Variants in PRSS23 observed in about 807,000 individuals in gnomAD.
PRSS23 encodes serine protease 23.
A neutral mutation model predicts 34.7 loss-of-function variants in PRSS23; 25 were observed. The ratio of observed to expected loss-of-function variants is 0.72; its 90% confidence interval spans 0.53 to 1.01. PRSS23 has a LOEUF of 1.01. Among genes scored for constraint, PRSS23 ranks in the 50% least tolerant of loss-of-function variants. The pLI is 0.00. For missense variants in PRSS23, 445 were observed against 475.6 expected, an observed-to-expected ratio of 0.94 and a Z score of 0.60; for synonymous variants, 176 against 186.6, an observed-to-expected ratio of 0.94 and a Z score of 0.46.
At chr11:86,878,349 C>T (rs1948740378) in intron 2 of PRSS23, among the ~76,000 whole-genome samples, 2 of 151,084 alleles carry the variant, frequency 1.3e-5, no homozygotes, top group Admixed American at 6.6e-5. Context: ...TCTCGGCTCA[C>T]TGCAGCCTCC....
At chr11:86,865,222 G>T (rs11234840) in intron 2 of PRSS23, among the ~76,000 whole-genome samples, 2 of 152,322 alleles carry the variant, frequency 1.3e-5, no homozygotes, top group East Asian at 3.9e-4. Context: ...AGGCTTTGGA[G>T]CCAGGCAAGT....
Position 86,928,699 on chromosome 11 carries a change from A to AT in PRSS23, c.207-22517_207-22516insT, listed in dbSNP as rs57802869. On this transcript the variant is annotated intron_variant, in intron 2 of 2. Coordinates refer to the PRSS23 transcript ENST00000533902. The stretch of plus-strand genomic sequence containing the variant: ...CAAAAAAAAAAAAAAAAAAAAAAAA[A>AT]AAAAAAATTGGCAAGACATATACAG... Among the ~76,000 whole-genome samples the AT allele has an allele frequency of 1.1e-3, 52 of 47,590 alleles. 5 individuals are homozygous for AT. The highest frequency in any genetic ancestry group is 6.6e-3 in the East Asian group (17 of 2,560). The allele number at this position is 47,590 out of a possible 152,430, so 31.2% of individuals were successfully genotyped here.
At chr11:86,791,717 A>G (rs1947953000) in intron 1 of PRSS23, among the ~76,000 whole-genome samples, 1 of 152,224 alleles carries the variant, frequency 6.6e-6, no homozygotes, top group South Asian at 2.1e-4. Flanking sequence ...GGTCAGACTG[A>G]CTGATGATTT....
chr11:86,897,030 T>C (rs191750571), intron 2 of PRSS23, among the ~76,000 whole-genome samples: 1 of 152,204 alleles, frequency 6.6e-6, no homozygotes, highest in African/African-American at 2.4e-5. Flanking sequence ...ATTTTTTAAA[T>C]ACATGGCCCA....
chr11:86,877,267 C>T (rs938312526), intron 2 of PRSS23, among the ~76,000 whole-genome samples: 2 of 152,216 alleles, frequency 1.3e-5, no homozygotes, highest in Non-Finnish European at 2.9e-5. Flanking sequence ...ACTCTCAGCA[C>T]AGTGCTACTG....
At chr11:86,886,313 C>G (rs1029995478) in intron 2 of PRSS23, among the ~76,000 whole-genome samples, 1 of 152,212 alleles carries the variant, frequency 6.6e-6, no homozygotes, top group African/African-American at 2.4e-5. Flanking sequence ...GCCACACTCC[C>G]TTCAGGGAAA....
chr11:86,807,902 T>C lies in PRSS23; in HGVS notation c.259T>C (p.Tyr87His), dbSNP rs759294211. The C allele has an allele frequency of 6.2e-7, 1 of 1,614,136 alleles. No homozygotes were observed. Among genetic ancestry groups the C allele is most frequent in the South Asian group, 1.1e-5 (1 of 91,074 alleles). ...CGAAGAGGCCAAGCAATATCTGTCT[T>C]ATGAAACGCTCTATGCCAATGGCAG... ...TYEEAKQYLS[Y>H]ETLYANGSRT... is the part of the protein sequence containing the mutation. The change falls in exon 2 of 2, where the codon TAT (tyrosine) becomes CAT (histidine). Residue 87 changes from tyrosine to histidine, a missense_variant. Physicochemically the swap from Tyr to His is moderately conservative, Grantham distance 83. Transcript: ENST00000280258.
At chr11:86,931,620 G>A (rs1400744740) in intron 2 of PRSS23, among the ~76,000 whole-genome samples, 3 of 152,172 alleles carry the variant, frequency 2.0e-5, no homozygotes, top group Non-Finnish European at 4.4e-5. Context: ...ATTATTCTGG[G>A]GCGATGGAAA....
chr11:86,811,202 C>G lies in PRSS23; in HGVS notation c.*2407C>G, dbSNP rs1163996108. On this transcript the variant is annotated 3_prime_UTR_variant, in exon 2 of 2. Coordinates refer to ENST00000280258, the MANE Select transcript of PRSS23 (RefSeq NM_007173.6). ...AAGGGACAAGTTGAGGTTGTAAAAT[C>G]TGCATTTAAATAAACATCTTTGATC... 1 of 166,998 alleles carries G rather than the reference C, an allele frequency of 6.0e-6. No individual in the cohort carries two copies. The highest frequency in any genetic ancestry group is 6.5e-5 in the Admixed American group (1 of 15,280). 10.3% of individuals were successfully genotyped at this position (166,998 alleles called of 1,614,324 possible).
rs1231060992 is a variant in PRSS23 at position 86,800,567 on chromosome 11, C to A, written c.-98C>A. On this transcript the variant is annotated 5_prime_UTR_variant, in exon 1 of 2. Coordinates refer to ENST00000280258, the MANE Select transcript of PRSS23 (RefSeq NM_007173.6). ...GCACTCGGCTGTGCGGCGGGGCAGG[C>A]ATGGGAGCCGCGCGCTCTCTCCCGG... The A allele has an allele frequency of 2.0e-6, 2 of 984,700 alleles. No homozygotes were observed. Among genetic ancestry groups the A allele is most frequent in the Admixed American group, 6.2e-5 (1 of 16,202 alleles). The allele number at this position is 984,700 out of a possible 1,614,324, so 61.0% of individuals were successfully genotyped here. A position where few individuals can be genotyped will look rare whatever the true frequency, so the allele number is the denominator to read the frequency against.
rs1555081378 is a variant in PRSS23, at chr11:86,913,288, A to AC, written c.207-37928_207-37927insC. The stretch of plus-strand genomic sequence containing the variant: ...CTGCCCTCAGGCAAAAAAAAAAAAA[A>AC]AAACCTATTAAAAATGCATATTTCA... On this transcript the variant is annotated intron_variant, in intron 2 of 2. Transcript: ENST00000533902. Among the ~76,000 whole-genome samples the AC allele has an allele frequency of 1.7e-3, 239 of 144,824 alleles. 1 individual carries two copies. Among genetic ancestry groups the AC allele is most frequent in the Middle Eastern group, 3.5e-3 (1 of 282 alleles).
rs73526354 is a variant in PRSS23 at position 86,846,154 on chromosome 11, C to T, written c.206+22561C>T. Reference sequence around the variant, plus strand: ...AAAGCCTACAACTTTTTCTCTCTCTCGGTCCTTGCCTCTATCACTCACCAT... The same window carrying T: ...AAAGCCTACAACTTTTTCTCTCTCTTGGTCCTTGCCTCTATCACTCACCAT... On this transcript the variant is annotated intron_variant, in intron 2 of 2. Coordinates refer to the PRSS23 transcript ENST00000533902. Among the ~76,000 whole-genome samples the T allele has an allele frequency of 1.0e-3, 154 of 152,238 alleles. 1 individual carries two copies. Among genetic ancestry groups the T allele is most frequent in the African/African-American group, 3.3e-3 (137 of 41,526 alleles).
chr11:86,940,351 C>T (rs1027110917), intron 2 of PRSS23, among the ~76,000 whole-genome samples: 5 of 152,220 alleles, frequency 3.3e-5, no homozygotes, highest in Non-Finnish European at 7.3e-5. Context: ...CTCTGAAACA[C>T]TGGCATTTTA....
At chr11:86,806,578 G>A (rs768184697) in intron 1 of PRSS23, among the ~76,000 whole-genome samples, 3 of 152,138 alleles carry the variant, frequency 2.0e-5, no homozygotes, top group Non-Finnish European at 2.9e-5. Context: ...AGGTTGGAGC[G>A]AGGCTGTGGC....
chr11:86,880,386 A>C (rs1948764767), intron 2 of PRSS23, among the ~76,000 whole-genome samples: 1 of 151,528 alleles, frequency 6.6e-6, no homozygotes, highest in Non-Finnish European at 1.5e-5. Context: ...TCCCTCCACT[A>C]TTGTCCTATG....
chr11:86,943,314 G>C (rs963510042), intron 2 of PRSS23, among the ~76,000 whole-genome samples: 2 of 152,264 alleles, frequency 1.3e-5, no homozygotes, highest in Non-Finnish European at 2.9e-5. Context: ...CACTCCAAGT[G>C]AACTATTTGC....
chr11:86,807,405 G>A (rs1286544701), intron 1 of PRSS23, among the ~76,000 whole-genome samples: 2 of 152,052 alleles, frequency 1.3e-5, no homozygotes, highest in East Asian at 1.9e-4. Context: ...TAGAAAGGAA[G>A]GAACACCCAA....
chr11:86,795,030 CT>C (rs1947972301), intron 1 of PRSS23, among the ~76,000 whole-genome samples: 2 of 152,240 alleles, frequency 1.3e-5, no homozygotes, highest in South Asian at 4.1e-4. Context: ...TTAAAACTCT[CT>C]TGCCTGTAGA....
chr11:86,940,803 TGAG>T (rs1380910040), intron 2 of PRSS23: 1 of 152,226 alleles, frequency 6.6e-6, no homozygotes, highest in Non-Finnish European at 1.5e-5. Flanking sequence ...TCTGGATACA[TGAG>T]GAGGACTGAC....
Sources: gnomAD v4.1 joint callset for allele counts (sites outside exome capture counted in the v4.1 genomes callset) on GRCh38, gnomAD v4.1.1 for gene constraint, MANE v1.5 for transcripts, NCBI Gene and HGNC (gene_info 2026-07-23, HGNC 2026-07-21) for gene names.